COL6A5: variants seen among roughly 807,000 people sequenced by gnomAD.
COL6A5 encodes the protein collagen type VI alpha 5 chain.
In COL6A5, 48 loss-of-function variants were observed where a neutral mutation model predicts 65.6. That is an observed-to-expected ratio of 0.73 (90% CI 0.58 to 0.93). The LOEUF is 0.93. Among genes scored for constraint, COL6A5 ranks in the 40% least tolerant of loss-of-function variants. COL6A5 has a pLI of 0.00. For synonymous variants in COL6A5, 291 were observed against 322.8 expected (o/e 0.90, Z 1.05); for missense variants, 914 against 928.3 (o/e 0.98, Z 0.20).
chr3:130,438,162 T>C (rs911445607), intron 1 of COL6A5, among the ~76,000 whole-genome samples: 2 of 152,156 alleles, frequency 1.3e-5, no homozygotes, highest in African/African-American at 4.8e-5. Context: ...CACACCTGGC[T>C]AATTTTTGTA....
intron 3 of COL6A5, among the ~76,000 whole-genome samples, chr3:130,378,601 C>G (rs1045220202): frequency 6.6e-6 from 1 of 152,090 alleles, no homozygotes; most frequent in African/African-American, 2.4e-5. Flanking sequence ...GGCCCTGCTT[C>G]CCTCTGGCCT....
At chr3:130,403,083 G>C (rs1335409692) in intron 12 of COL6A5, among the ~76,000 whole-genome samples, 1 of 152,194 alleles carries the variant, frequency 6.6e-6, no homozygotes, top group Admixed American at 6.5e-5. Flanking sequence ...GTGTTAGAGG[G>C]TGGGGAAAGC....
chr3:130,451,668 A>C (rs75671953), intron 4 of COL6A5, among the ~76,000 whole-genome samples: 1 of 152,056 alleles, frequency 6.6e-6, no homozygotes, highest in Admixed American at 6.6e-5. Context: ...CCGGCTTTTC[A>C]TGAAAAGAAA....
chr3:130,397,016 C>T (rs764969026), intron 8 of COL6A5, among the ~76,000 whole-genome samples: 3 of 152,186 alleles, frequency 2.0e-5, no homozygotes, highest in Non-Finnish European at 4.4e-5. Context: ...GCGCCCGCCA[C>T]CACACCTGGC....
chr3:130,443,078 T>C (rs1709223302), intron 3 of COL6A5, among the ~76,000 whole-genome samples: 1 of 152,172 alleles, frequency 6.6e-6, no homozygotes, highest in Non-Finnish European at 1.5e-5. Context: ...AGAAATGATA[T>C]CAGTATCAAG....
chr3:130,440,029 T>C, intron 2 of COL6A5, 137 bp from the exon 35 acceptor site: 1 of 758,004 alleles, frequency 1.3e-6, no homozygotes, highest in Non-Finnish European at 2.1e-6. Context: ...CTCATTAATT[T>C]AAATTATGTG....
chr3:130,369,534 T>C (rs1007797335), intron 1 of COL6A5, among the ~76,000 whole-genome samples: 5 of 152,178 alleles, frequency 3.3e-5, no homozygotes, highest in Non-Finnish European at 7.3e-5. Context: ...AAGCTTTTTC[T>C]CCCTACTTCA....
At chr3:130,397,651 G>A in exon 9 of COL6A5, 2 of 1,551,338 alleles carry the variant, frequency 1.3e-6, no homozygotes, top group East Asian at 2.4e-5. Flanking sequence ...TTTGTTCCAG[G>A]GCCACCCCCA....
chr3:130,383,749 C>A (rs982601340), intron 4 of COL6A5, among the ~76,000 whole-genome samples: 3 of 151,946 alleles, frequency 2.0e-5, no homozygotes, highest in Non-Finnish European at 2.9e-5. Flanking sequence ...CTTTCTCTTA[C>A]CCAGTTTCTG....
intron 2 of COL6A5, among the ~76,000 whole-genome samples, chr3:130,374,891 C>T (rs770648803): frequency 7.2e-5 from 11 of 152,046 alleles, no homozygotes; most frequent in Non-Finnish European, 1.6e-4. Flanking sequence ...ATAGGAAAAG[C>T]GAGAGAGCAT....
Position 130,384,809 on chromosome 3 carries a change from G to T in COL6A5, c.1306G>T (p.Val436Leu), listed in dbSNP as rs766309238. The change falls in exon 5 of 42, where the codon GTG becomes TTG. Residue 436 changes from valine to leucine, a missense_variant and NMD_transcript_variant. By Grantham distance (32) the Val-to-Leu change is conservative (BLOSUM62 1). Transcript: ENST00000312481. Reference sequence around the variant, plus strand: ...AGAATGCACTTCTTTTTCAGGCTGTGTGGATACAAAAGAGGCTGATATCCA... The same window carrying T: ...AGAATGCACTTCTTTTTCAGGCTGTTTGGATACAAAAGAGGCTGATATCCA... The T allele has an allele frequency of 9.9e-5, 153 of 1,540,170 alleles. No homozygotes were observed. The highest frequency in any genetic ancestry group is 1.1e-4 in the Non-Finnish European group (125 of 1,142,106).
At position 130,482,612 on chromosome 3, in the gene COL6A5, T is replaced by C. The variant is rs538855050; in HGVS notation, c.2329-1423T>C. On this transcript the variant is annotated intron_variant, in intron 7 of 7. Coordinates refer to ENST00000512836, the Ensembl canonical transcript of COL6A5. ...CAATGGTAGCTTGATGGGGATAGCATTGAATCTATAAATTACTTTGGTCAG... is the reference window on the plus strand; with the variant it reads ...CAATGGTAGCTTGATGGGGATAGCACTGAATCTATAAATTACTTTGGTCAG... Among the ~76,000 whole-genome samples, 162 of 152,320 alleles carry C rather than the reference T, an allele frequency of 1.1e-3. 1 individual carries two copies. Among genetic ancestry groups the C allele is most frequent in the African/African-American group, 3.7e-3 (153 of 41,574 alleles).
intron 7 of COL6A5, among the ~76,000 whole-genome samples, chr3:130,479,720 A>G (rs532050454): frequency 6.6e-6 from 1 of 152,286 alleles, no homozygotes; most frequent in African/African-American, 2.4e-5. Context: ...GTAAAAACAT[A>G]TAGAAAAGAT....
chr3:130,435,392 C>A (rs946888098), intron 1 of COL6A5, among the ~76,000 whole-genome samples: 7 of 152,052 alleles, frequency 4.6e-5, no homozygotes, highest in Non-Finnish European at 8.8e-5. Context: ...CAGCTTTGTT[C>A]TTTTTGCTTA....
intron 5 of COL6A5, among the ~76,000 whole-genome samples, chr3:130,468,445 TA>T (rs1709868339): frequency 1.3e-5 from 2 of 152,132 alleles, no homozygotes; most frequent in South Asian, 4.1e-4. Flanking sequence ...TGCACATGTG[TA>T]CTTCAAGTTT....
intron 5 of COL6A5, among the ~76,000 whole-genome samples, chr3:130,386,762 G>C (rs576478126): frequency 6.6e-6 from 1 of 152,050 alleles, no homozygotes; most frequent in Admixed American, 6.6e-5. Flanking sequence ...GGTAGTTGCA[G>C]TTGAAGTAGT....
At chr3:130,463,782 A>C (rs186282959) in intron 5 of COL6A5, among the ~76,000 whole-genome samples, 1 of 152,218 alleles carries the variant, frequency 6.6e-6, no homozygotes, top group East Asian at 1.9e-4. Flanking sequence ...ATATTTTTGA[A>C]GACCTTGTCT....
chr3:130,363,460 C>T (rs1052283523), intron 1 of COL6A5, among the ~76,000 whole-genome samples: 3 of 152,170 alleles, frequency 2.0e-5, no homozygotes, highest in Non-Finnish European at 4.4e-5. Context: ...CTCATCCTCT[C>T]TTCCACCACT....
intron 17 of COL6A5, 148 bp downstream of exon 17, chr3:130,406,469 A>G (rs1936998084): frequency 3.1e-6 from 2 of 650,078 alleles, no homozygotes; most frequent in African/African-American, 1.8e-5. Flanking sequence ...TGTATGCTGC[A>G]TATCTGATTG....
Sources: gnomAD v4.1 joint callset for allele counts (sites outside exome capture counted in the v4.1 genomes callset) on GRCh38, gnomAD v4.1.1 for gene constraint, MANE v1.5 for transcripts, NCBI Gene and HGNC (gene_info 2026-07-23, HGNC 2026-07-21) for gene names.